The following AGBL4 variants were observed in gnomAD, a reference collection of about 807,000 sequenced individuals.
The protein encoded by AGBL4 is cytosolic carboxypeptidase 6.
A neutral mutation model predicts 66.4 loss-of-function variants in AGBL4; 58 were observed. The ratio of observed to expected loss-of-function variants is 0.87; its 90% CI spans 0.71 to 1.09. AGBL4 has a LOEUF of 1.09. AGBL4 is among the 50% of genes least tolerant of loss of function. The pLI is 0.00. For missense variants in AGBL4, 579 were observed against 631.0 expected (o/e 0.92, Z 0.88); for synonymous variants, 234 against 222.9 (o/e 1.05, Z -0.44).
intron 2 of AGBL4, among the ~76,000 whole-genome samples, chr1:49,808,559 T>C (rs1236861128): frequency 6.6e-6 from 1 of 152,174 alleles, no homozygotes; most frequent in East Asian, 1.9e-4. Flanking sequence ...TATATACATA[T>C]ACGTGTGACA....
intron 6 of AGBL4, among the ~76,000 whole-genome samples, chr1:48,719,439 C>G (rs1299432446): frequency 6.6e-6 from 1 of 152,222 alleles, no homozygotes; most frequent in African/African-American, 2.4e-5. Flanking sequence ...ATAGCCTTCT[C>G]AACTCCTCCC....
intron 4 of AGBL4, among the ~76,000 whole-genome samples, chr1:49,114,715 G>A (rs1165148676): frequency 6.6e-6 from 1 of 151,874 alleles, no homozygotes; most frequent in Non-Finnish European, 1.5e-5. Flanking sequence ...TTATTAATTG[G>A]CCTAATTTTA....
rs185487110 is a variant in AGBL4, at chr1:48,749,274, G to C, written c.635-86033C>G. Among the ~76,000 whole-genome samples the C allele has an allele frequency of 1.5e-4, 23 of 152,114 alleles. No individual in the cohort carries two copies. The South Asian group carries it at 3.1e-3, about 21-fold the overall frequency. On this transcript the variant is annotated intron_variant, in intron 6 of 13. Transcript: ENST00000371839. ...GTAGCATTTTTCAGCCCACTGTCAC[G>C]TGATTGTTTGTTTAACAGCTCCCTG...
intron 3 of AGBL4, among the ~76,000 whole-genome samples, chr1:49,364,931 C>T (rs1194991717): frequency 1.3e-5 from 2 of 152,174 alleles, no homozygotes; most frequent in Non-Finnish European, 2.9e-5. Context: ...CTATACTGAA[C>T]CTATTGTATG....
intron 1 of AGBL4, among the ~76,000 whole-genome samples, chr1:49,950,166 A>ATG (rs1276487512): frequency 3.5e-5 from 5 of 144,448 alleles, no homozygotes; most frequent in African/African-American, 1.0e-4. Context: ...ATACACACAT[A>ATG]TATATATACA....
intron 2 of AGBL4, among the ~76,000 whole-genome samples, chr1:49,783,076 A>T (rs1644374249): frequency 6.6e-6 from 1 of 152,086 alleles, no homozygotes; most frequent in Admixed American, 6.6e-5. Flanking sequence ...CAGACACTGA[A>T]TTTGCTCATG....
intron 4 of AGBL4, among the ~76,000 whole-genome samples, chr1:49,176,510 G>A (rs1646834535): frequency 1.3e-5 from 2 of 152,068 alleles, no homozygotes; most frequent in Admixed American, 1.3e-4. Flanking sequence ...GACAATCCCT[G>A]AAGTCATAAA....
At chr1:48,696,492 G>C (rs945647075) in intron 6 of AGBL4, among the ~76,000 whole-genome samples, 1 of 152,120 alleles carries the variant, frequency 6.6e-6, no homozygotes, top group African/African-American at 2.4e-5. Flanking sequence ...GGTCATACCT[G>C]GACAGTGGGA....
chr1:49,465,210 T>TATAC (rs1233485761), intron 3 of AGBL4, among the ~76,000 whole-genome samples: 1 of 116,792 alleles, frequency 8.6e-6, no homozygotes, highest in African/African-American at 3.3e-5. Context: ...TACCCCTACA[T>TATAC]ACACACACAC....
chr1:49,812,404 A>G (rs1645121278), intron 2 of AGBL4, among the ~76,000 whole-genome samples: 1 of 152,180 alleles, frequency 6.6e-6, no homozygotes, highest in Non-Finnish European at 1.5e-5. Context: ...GGCTGTATAC[A>G]TGGACTTGTA....
chr1:49,115,200 T>TG (rs1271464446), intron 4 of AGBL4, among the ~76,000 whole-genome samples: 1 of 152,254 alleles, frequency 6.6e-6, no homozygotes, highest in African/African-American at 2.4e-5. Flanking sequence ...CTGTTTGGGC[T>TG]GGAAGTGTTC....
rs186173844 is a variant in AGBL4 at position 49,043,853 on chromosome 1, T to C, written c.594+1731A>G. On this transcript the variant is annotated intron_variant, in intron 5 of 13. Transcript: ENST00000371839. ...TGAGTTGCACATAGGCCCTCTTTAC[T>C]GCTCTCTTTTTTGAGGTATCCTGGA... Among the ~76,000 whole-genome samples, 113 of 152,326 alleles carry C rather than the reference T, an allele frequency of 7.4e-4. 1 individual carries two copies. Among genetic ancestry groups the C allele is most frequent in the African/African-American group, 2.6e-3 (109 of 41,574 alleles).
At chr1:49,760,288 T>C (rs780446277) in intron 2 of AGBL4, among the ~76,000 whole-genome samples, 1 of 152,220 alleles carries the variant, frequency 6.6e-6, no homozygotes, top group Non-Finnish European at 1.5e-5. Context: ...GTGCATAAGA[T>C]CTTTAGTTTA....
chr1:50,017,233 T>G (rs1662053866), intron 1 of AGBL4: 1 of 152,110 alleles, frequency 6.6e-6, no homozygotes, highest in South Asian at 2.1e-4. Flanking sequence ...TAATCAATTT[T>G]CATCCTTAAT....
At chr1:49,398,333 TTCTCTCTCTCTC>T (rs36025670) in intron 3 of AGBL4, among the ~76,000 whole-genome samples, 195 of 143,182 alleles carry the variant, frequency 1.4e-3, no homozygotes, top group East Asian at 6.9e-3. Flanking sequence ...CTCTCTCTCT[TTCTCTCTCTCTC>T]TCTCTCTCTC....
intron 6 of AGBL4, among the ~76,000 whole-genome samples, chr1:48,809,378 T>C (rs902167358): frequency 6.6e-6 from 1 of 152,210 alleles, no homozygotes; most frequent in Non-Finnish European, 1.5e-5. Flanking sequence ...GGCAGCACCC[T>C]TGGCTAGATC....
At chr1:49,948,582 T>TATATATAG (rs1262445487) in intron 1 of AGBL4, among the ~76,000 whole-genome samples, 2 of 126,902 alleles carry the variant, frequency 1.6e-5, no homozygotes, top group South Asian at 4.6e-4. Flanking sequence ...TATATATATA[T>TATATATAG]AGAGAGAGAG....
chr1:49,453,556 T>C (rs567973011), intron 3 of AGBL4, among the ~76,000 whole-genome samples: 1 of 151,782 alleles, frequency 6.6e-6, no homozygotes, highest in African/African-American at 2.4e-5. Context: ...TTTCTCATGC[T>C]CTCAAGGCAA....
At chr1:49,669,427 C>CA (rs949791153) in intron 3 of AGBL4, among the ~76,000 whole-genome samples, 3 of 152,124 alleles carry the variant, frequency 2.0e-5, no homozygotes, top group Non-Finnish European at 2.9e-5. Context: ...ATGAAGATGG[C>CA]AAAAAAAGTT....
Sources: gnomAD v4.1 joint callset for allele counts (sites outside exome capture counted in the v4.1 genomes callset) on GRCh38, gnomAD v4.1.1 for gene constraint, MANE v1.5 for transcripts, NCBI Gene and HGNC (gene_info 2026-07-23, HGNC 2026-07-21) for gene names.